The following TENM3 variants were observed in gnomAD, a reference collection of about 807,000 sequenced individuals.
TENM3 encodes the protein teneurin transmembrane protein 3, also known as teneurin-3.
TENM3 carries 63 observed loss-of-function variants against 255.1 expected under a neutral mutation model. The observed-to-expected ratio is 0.25, with a 90% CI of 0.20 to 0.30. TENM3 has a LOEUF of 0.30. TENM3 is among the 10% of genes least tolerant of loss of function. The pLI is 1.00. For missense variants in TENM3, 2,929 were observed against 3,461.1 expected (o/e 0.85, Z 3.86); for synonymous variants, 1,306 against 1,322.3 (o/e 0.99, Z 0.27).
chr4:182,257,451 G>A lies in TENM3; in HGVS notation c.-76+13975G>A, dbSNP rs77982887. Reference sequence around the variant, plus strand: ...ATGACTCTTTGGAATGGGTCATGGCGTTACTGTCTCTAAAACAATTAGGCG... The same window carrying A: ...ATGACTCTTTGGAATGGGTCATGGCATTACTGTCTCTAAAACAATTAGGCG... On this transcript the variant is annotated intron_variant, in intron 1 of 27. Coordinates refer to ENST00000511685, the MANE Select transcript of TENM3 (RefSeq NM_001080477.4). 7.4e-3 allele frequency among the ~76,000 whole-genome samples: 1,128 copies of A among 152,256 alleles called. 7 individuals carry two copies. Among genetic ancestry groups the A allele is most frequent in the Non-Finnish European group, 0.012 (841 of 68,022 alleles).
the TENM3 span, among the ~76,000 whole-genome samples, chr4:181,844,111 C>T: frequency 1.3e-5 from 2 of 152,064 alleles, no homozygotes; most frequent in South Asian, 2.1e-4. Context: ...ATGCCAAAGT[C>T]ATCCTTCTAT....
At chr4:181,662,467 C>G in the TENM3 span, among the ~76,000 whole-genome samples, 1 of 152,146 alleles carries the variant, frequency 6.6e-6, no homozygotes, top group Admixed American at 6.6e-5. Context: ...TCTATTACTT[C>G]TCTGCACAGC....
At chr4:182,093,192 T>A in the TENM3 span, among the ~76,000 whole-genome samples, 1 of 152,148 alleles carries the variant, frequency 6.6e-6, no homozygotes, top group South Asian at 2.1e-4. Flanking sequence ...TCCAAATTAA[T>A]CCCTTACTGT....
the TENM3 span, among the ~76,000 whole-genome samples, chr4:181,857,018 A>G: frequency 1.3e-5 from 2 of 152,226 alleles, no homozygotes; most frequent in Admixed American, 6.5e-5. Flanking sequence ...GGGGCAAACC[A>G]TGGTGATCAA....
chr4:182,745,727 T>G (rs1205474753), intron 19 of TENM3, among the ~76,000 whole-genome samples: 1 of 152,108 alleles, frequency 6.6e-6, no homozygotes, highest in Non-Finnish European at 1.5e-5. Flanking sequence ...GTGGCCAAGA[T>G]TCTAGGGGCT....
At chr4:182,122,248 C>G in the TENM3 span, among the ~76,000 whole-genome samples, 1 of 152,164 alleles carries the variant, frequency 6.6e-6, no homozygotes, top group Non-Finnish European at 1.5e-5. Flanking sequence ...TTCTTTCAAA[C>G]TCCTGTTAAT....
chr4:181,699,120 T>C, the TENM3 span, among the ~76,000 whole-genome samples: 1 of 152,062 alleles, frequency 6.6e-6, no homozygotes, highest in East Asian at 1.9e-4. Context: ...TTCAGGCCTA[T>C]GGGCAACAGA....
chr4:182,455,860 C>A (rs1773835798), intron 3 of TENM3, among the ~76,000 whole-genome samples: 1 of 152,162 alleles, frequency 6.6e-6, no homozygotes, highest in Admixed American at 6.5e-5. Context: ...CCGCACCCGG[C>A]CTTGCACAGC....
At chr4:182,098,609 G>A in the TENM3 span, among the ~76,000 whole-genome samples, 1 of 152,182 alleles carries the variant, frequency 6.6e-6, no homozygotes, top group Non-Finnish European at 1.5e-5. Context: ...TCACTCATAT[G>A]TGGAATCTAA....
the TENM3 span, among the ~76,000 whole-genome samples, chr4:181,744,645 A>G: frequency 6.6e-6 from 1 of 152,222 alleles, no homozygotes; most frequent in African/African-American, 2.4e-5. Flanking sequence ...ATTGCAAAAA[A>G]TAGTCCAGGT....
At chr4:181,553,322 A>G in the TENM3 span, among the ~76,000 whole-genome samples, 16,528 of 89,650 alleles carry the variant, frequency 0.18, 1,208 homozygotes, top group African/African-American at 0.29. Context: ...GTGTATGCGT[A>G]TATATATATA....
chr4:182,484,015 C>T (rs559895805), intron 3 of TENM3, among the ~76,000 whole-genome samples: 11 of 152,102 alleles, frequency 7.2e-5, no homozygotes, highest in Non-Finnish European at 1.6e-4. Context: ...GACACAAACC[C>T]GAACCACATC....
At chr4:181,658,738 T>C in the TENM3 span, among the ~76,000 whole-genome samples, 1 of 152,206 alleles carries the variant, frequency 6.6e-6, no homozygotes, top group African/African-American at 2.4e-5. Context: ...GTATAGTAGA[T>C]AGGCTATTTA....
At chr4:182,362,582 C>T (rs909785543) in intron 3 of TENM3, among the ~76,000 whole-genome samples, 15 of 148,814 alleles carry the variant, frequency 1.0e-4, no homozygotes, top group Non-Finnish European at 2.2e-4. Flanking sequence ...CGGAAAAGCT[C>T]AGTACTCGGG....
the TENM3 span, among the ~76,000 whole-genome samples, chr4:182,098,285 A>C: frequency 6.6e-6 from 1 of 152,328 alleles, no homozygotes; most frequent in Admixed American, 6.5e-5. Context: ...AGGTTCCTCA[A>C]AAATCTAAAC....
the TENM3 span, among the ~76,000 whole-genome samples, chr4:181,782,586 AT>A: frequency 0.057 from 8,592 of 151,876 alleles, 456 homozygotes; most frequent in African/African-American, 0.14. Context: ...GGATACATTG[AT>A]TTTTTTGAAG....
At position 182,673,188 on chromosome 4, in the gene TENM3, G is replaced by T; in HGVS notation, c.1295G>T (p.Gly432Val). 6.2e-7 allele frequency: 1 copy of T among 1,613,486 alleles called. No individual in the cohort carries two copies. The highest frequency in any genetic ancestry group is 8.5e-7 in the Non-Finnish European group (1 of 1,179,588). ...LQKDALIGVY[G>V]RKGLPPSHTQ... ...AAGGATGCATTGATTGGAGTATATGGCCGGAAAGGCTTACCGCCTTCCCAT... is the reference window on the plus strand; with the variant it reads ...AAGGATGCATTGATTGGAGTATATGTCCGGAAAGGCTTACCGCCTTCCCAT... Residue 432 changes from glycine to valine, a missense_variant, in exon 7 of 28, where the codon GGC (glycine) becomes GTC (valine). By Grantham distance (109) the Gly-to-Val change is moderately radical. Coordinates refer to ENST00000511685, the MANE Select transcript of TENM3 (RefSeq NM_001080477.4).
the TENM3 span, among the ~76,000 whole-genome samples, chr4:181,798,958 G>A: frequency 2.0e-5 from 3 of 152,196 alleles, no homozygotes; most frequent in Non-Finnish European, 4.4e-5. Context: ...AAGAAGTGAT[G>A]CATAAAGAAA....
At chr4:182,491,019 A>T (rs1271384378) in intron 3 of TENM3, among the ~76,000 whole-genome samples, 1 of 152,218 alleles carries the variant, frequency 6.6e-6, no homozygotes, top group African/African-American at 2.4e-5. Context: ...ATTTCAGAAC[A>T]CTGTAGCAAA....
Sources: allele counts gnomAD v4.1 joint callset (sites outside exome capture counted in the v4.1 genomes callset), GRCh38; gene constraint gnomAD v4.1.1; transcripts MANE v1.5; gene names NCBI Gene and HGNC (gene_info 2026-07-23, HGNC 2026-07-21).